Variants in CDH18 observed in about 807,000 individuals in gnomAD.
The protein encoded by CDH18 is cadherin 18.
Under a neutral mutation model 67.9 loss-of-function variants are expected in CDH18, and 31 were observed. The ratio of observed to expected loss-of-function variants is 0.46; its 90% CI spans 0.34 to 0.62. The LOEUF is 0.62. Among genes scored for constraint, CDH18 ranks in the 20% least tolerant of loss-of-function variants. The pLI, the probability that CDH18 is intolerant of heterozygous loss-of-function variation, is 0.01. For missense variants in CDH18, 890 were observed against 975.5 expected (o/e 0.91, Z 1.17); for synonymous variants, 362 against 347.2 (o/e 1.04, Z -0.48).
intron 1 of CDH18, among the ~76,000 whole-genome samples, chr5:20,437,703 G>A (rs1292814121): frequency 6.6e-6 from 1 of 151,300 alleles, no homozygotes; most frequent in Non-Finnish European, 1.5e-5. Context: ...TGTTTTTTAA[G>A]TACCCAAAAT....
In CDH18 at chr5:19,491,149, T is replaced by C. The variant is rs192341905; in HGVS notation, c.1631-7597A>G. 1.4e-4 allele frequency among the ~76,000 whole-genome samples: 21 copies of C among 152,294 alleles called. No individual in the cohort carries two copies. The East Asian group carries it at 2.9e-3, about 21-fold the overall frequency. On this transcript the variant is annotated intron_variant, in intron 11 of 12. Transcript: ENST00000382275. Reference sequence around the variant, plus strand: ...TGGATAAATGTTAGTATTTGACTGATAGGAGAAAGGAGAGCCACTGTAGAA... The same window carrying C: ...TGGATAAATGTTAGTATTTGACTGACAGGAGAAAGGAGAGCCACTGTAGAA...
chr5:20,367,606 A>G (rs112033414), intron 1 of CDH18, among the ~76,000 whole-genome samples: 59 of 152,344 alleles, frequency 3.9e-4, no homozygotes, highest in African/African-American at 1.1e-3. Context: ...TCCCACAAAC[A>G]AGTCTTATAC....
At chr5:19,727,180 T>C (rs1310499523) in intron 4 of CDH18, among the ~76,000 whole-genome samples, 3 of 152,174 alleles carry the variant, frequency 2.0e-5, no homozygotes, top group African/African-American at 4.8e-5. Context: ...ATGTTATGGG[T>C]TAAATCATAT....
chr5:20,562,136 G>A (rs2126649115), intron 1 of CDH18, among the ~76,000 whole-genome samples: 2 of 151,788 alleles, frequency 1.3e-5, no homozygotes, highest in South Asian at 4.1e-4. Flanking sequence ...AAAGAAAATA[G>A]GTGACCTACT....
chr5:19,922,260 T>C (rs1792573249), intron 2 of CDH18, among the ~76,000 whole-genome samples: 1 of 152,210 alleles, frequency 6.6e-6, no homozygotes, highest in African/African-American at 2.4e-5. Flanking sequence ...TTTCTTGTGT[T>C]ATGCATGTTT....
At chr5:19,780,120 T>C (rs1774926477) in intron 3 of CDH18, among the ~76,000 whole-genome samples, 1 of 152,124 alleles carries the variant, frequency 6.6e-6, no homozygotes, top group African/African-American at 2.4e-5. Context: ...TTATTCCATA[T>C]AGTGAGCTCC....
rs554884613 is a variant in CDH18, at chr5:20,039,525, G to A, written c.-517-47511C>T. Among the ~76,000 whole-genome samples, 5 of 151,938 alleles carry A rather than the reference G, an allele frequency of 3.3e-5. No individual in the cohort carries two copies. The South Asian group carries it at 1.0e-3, about 32-fold the overall frequency. ...TATAGACCAATGCAACACAACAGAG[G>A]CCTCAGAAATAATGCCACACATCTA... On this transcript the variant is annotated intron_variant, in intron 2 of 14. Transcript: ENST00000507958.
intron 1 of CDH18, among the ~76,000 whole-genome samples, chr5:20,430,818 A>T (rs1053859766): frequency 6.6e-6 from 1 of 152,168 alleles, no homozygotes; most frequent in Non-Finnish European, 1.5e-5. Context: ...TCTCCTTTCA[A>T]ATCAGAATCT....
At chr5:20,075,114 C>T (rs1457228169) in intron 2 of CDH18, among the ~76,000 whole-genome samples, 6 of 152,100 alleles carry the variant, frequency 3.9e-5, no homozygotes, top group South Asian at 4.1e-4. Flanking sequence ...ATTGTGACTT[C>T]GGATGTATGT....
chr5:20,255,628 G>T (rs1744175395), intron 1 of CDH18: 1 of 151,300 alleles, frequency 6.6e-6, no homozygotes, highest in Non-Finnish European at 1.5e-5. Context: ...ATACATTTTT[G>T]AAGAGATAAA....
At chr5:19,997,965 A>C (rs1736143805) in intron 2 of CDH18, among the ~76,000 whole-genome samples, 1 of 152,198 alleles carries the variant, frequency 6.6e-6, no homozygotes, top group Middle Eastern at 3.2e-3. Flanking sequence ...AGATGTTCAT[A>C]AAACCTTGTA....
chr5:20,221,756 C>T (rs931274096), intron 2 of CDH18, among the ~76,000 whole-genome samples: 5 of 151,704 alleles, frequency 3.3e-5, no homozygotes, highest in African/African-American at 1.2e-4. Flanking sequence ...CTACTATGTC[C>T]CCACAAAAAT....
chr5:19,930,837 A>G (rs1793612042), intron 2 of CDH18, among the ~76,000 whole-genome samples: 1 of 152,096 alleles, frequency 6.6e-6, no homozygotes, highest in Non-Finnish European at 1.5e-5. Context: ...TAAAAAATCA[A>G]GAAACAGTCA....
chr5:20,537,323 GATC>G (rs1430467806), intron 1 of CDH18, among the ~76,000 whole-genome samples: 1 of 151,966 alleles, frequency 6.6e-6, no homozygotes, highest in African/African-American at 2.4e-5. Context: ...ATAAAATAAT[GATC>G]ATCACACAGA....
rs1050187398 is a variant in CDH18 at position 19,913,600 on chromosome 5, C to T, written c.-257+67460G>A. ...TTCATGGCAGTTCAAGAATATATCA[C>T]GAGGTTAGGTGCATGTGCCTATAAG... On this transcript the variant is annotated intron_variant, in intron 2 of 12. Coordinates refer to ENST00000382275, the MANE Select transcript of CDH18 (RefSeq NM_004934.5). Among the ~76,000 whole-genome samples the T allele has an allele frequency of 2.0e-5, 3 of 151,860 alleles. No individual in the cohort carries two copies. The East Asian group carries it at 5.8e-4, about 29-fold the overall frequency.
At chr5:19,501,258 AATTCACAAATTCCAGCT>A (rs1220977207) in intron 11 of CDH18, among the ~76,000 whole-genome samples, 1 of 148,838 alleles carries the variant, frequency 6.7e-6, no homozygotes, top group Non-Finnish European at 1.5e-5. Context: ...ATTTTAATTT[AATTCACAAATTCCAGCT>A]ATAACAATCT....
At chr5:19,731,408 C>A (rs1165853476) in intron 4 of CDH18, among the ~76,000 whole-genome samples, 1 of 151,968 alleles carries the variant, frequency 6.6e-6, no homozygotes. Context: ...CCGAGAGAGC[C>A]CCACTGCACT....
At chr5:19,493,153 T>A (rs572181090) in intron 11 of CDH18, among the ~76,000 whole-genome samples, 1 of 152,312 alleles carries the variant, frequency 6.6e-6, no homozygotes, top group South Asian at 2.1e-4. Flanking sequence ...TTCTACCACT[T>A]TTAACAATAC....
chr5:19,731,680 A>C (rs78655036), intron 4 of CDH18, among the ~76,000 whole-genome samples: 2,674 of 152,306 alleles, frequency 0.018, 69 homozygotes, highest in African/African-American at 0.061. Context: ...AACTCAAATA[A>C]TCGTCGAAGT....
Sources: gnomAD v4.1 joint callset for allele counts (sites outside exome capture counted in the v4.1 genomes callset) on GRCh38, gnomAD v4.1.1 for gene constraint, MANE v1.5 for transcripts, NCBI Gene and HGNC (gene_info 2026-07-23, HGNC 2026-07-21) for gene names.